Variants in SRBD1 observed in about 807,000 individuals in gnomAD.
SRBD1 encodes the protein S1 RNA binding domain 1, also known as S1 RNA-binding domain-containing protein 1.
In SRBD1, 88 loss-of-function variants were observed where a neutral mutation model predicts 115.3. The observed-to-expected ratio is 0.76, with a 90% CI of 0.64 to 0.91. The LOEUF (loss-of-function observed/expected upper bound fraction) is 0.91, where lower values mean the gene tolerates loss of function less well. Ranked by LOEUF, SRBD1 falls within the 40% of genes least tolerant of loss-of-function variation. SRBD1 has a pLI of 0.00. For missense variants in SRBD1, 1,385 were observed against 1,177.4 expected (o/e 1.18, Z -2.58); for synonymous variants, 509 against 407.7 (o/e 1.25, Z -2.99).
At chr2:45,472,587 G>A (rs537893765) in intron 16 of SRBD1, among the ~76,000 whole-genome samples, 1 of 152,156 alleles carries the variant, frequency 6.6e-6, no homozygotes, top group African/African-American at 2.4e-5. Context: ...GGGCTCAAAT[G>A]ATCTCCTGCC....
chr2:45,457,661 C>T (rs1240521277), intron 16 of SRBD1, among the ~76,000 whole-genome samples: 1 of 151,914 alleles, frequency 6.6e-6, no homozygotes, highest in East Asian at 1.9e-4. Context: ...TAAAAAAATA[C>T]CCCGACAAAC....
intron 14 of SRBD1, among the ~76,000 whole-genome samples, chr2:45,511,114 G>A (rs1670953812): frequency 6.6e-6 from 1 of 152,162 alleles, no homozygotes; most frequent in Non-Finnish European, 1.5e-5. Flanking sequence ...CACAATAACC[G>A]ACTGAATTGC....
intron 16 of SRBD1, among the ~76,000 whole-genome samples, chr2:45,436,251 G>A (rs775741099): frequency 3.3e-5 from 5 of 152,036 alleles, no homozygotes; most frequent in Non-Finnish European, 7.4e-5. Flanking sequence ...GAACAAACGG[G>A]AAACATCCTC....
At chr2:45,462,686 C>T (rs1407774903) in intron 16 of SRBD1, among the ~76,000 whole-genome samples, 1 of 151,246 alleles carries the variant, frequency 6.6e-6, no homozygotes, top group Non-Finnish European at 1.5e-5. Flanking sequence ...ATTAGCCAGG[C>T]GTGGTGTCGG....
intron 19 of SRBD1, among the ~76,000 whole-genome samples, chr2:45,399,411 T>C (rs1439677405): frequency 2.0e-5 from 3 of 152,106 alleles, no homozygotes; most frequent in Admixed American, 2.0e-4. Context: ...GGCAGGACTT[T>C]ATGTGCAGAT....
intron 16 of SRBD1, among the ~76,000 whole-genome samples, chr2:45,472,401 T>TA (rs1360759037): frequency 1.3e-5 from 2 of 152,340 alleles, no homozygotes; most frequent in East Asian, 3.9e-4. Context: ...ATGACTATAC[T>TA]AAAAAAATCA....
At chr2:45,420,959 C>T (rs72880622) in intron 16 of SRBD1, among the ~76,000 whole-genome samples, 14,630 of 152,160 alleles carry the variant, frequency 0.096, 724 homozygotes, top group South Asian at 0.16. Flanking sequence ...GGTGGTAGCA[C>T]TATCTGAATC....
intron 3 of SRBD1, among the ~76,000 whole-genome samples, chr2:45,600,787 G>A (rs1011635756): frequency 6.6e-6 from 1 of 152,124 alleles, no homozygotes; most frequent in Non-Finnish European, 1.5e-5. Context: ...CCTAAATGAT[G>A]CAGATGGCAC....
intron 14 of SRBD1, among the ~76,000 whole-genome samples, chr2:45,537,764 T>A (rs1671810133): frequency 6.6e-6 from 1 of 152,116 alleles, no homozygotes; most frequent in Non-Finnish European, 1.5e-5. Flanking sequence ...GGAAGGCGCT[T>A]TACTGGGAAC....
At chr2:45,541,526 G>T (rs901420415) in intron 14 of SRBD1, among the ~76,000 whole-genome samples, 2 of 152,252 alleles carry the variant, frequency 1.3e-5, no homozygotes, top group Non-Finnish European at 2.9e-5. Context: ...GCAAGGCAGA[G>T]AGGAACTTCA....
chr2:45,441,458 T>G (rs568501890), intron 16 of SRBD1, among the ~76,000 whole-genome samples: 1 of 152,248 alleles, frequency 6.6e-6, no homozygotes, highest in African/African-American at 2.4e-5. Context: ...TCCTGGTACA[T>G]AGTACGTACT....
chr2:45,501,624 G>A (rs1363494983), intron 14 of SRBD1, among the ~76,000 whole-genome samples: 7 of 152,124 alleles, frequency 4.6e-5, no homozygotes, highest in Non-Finnish European at 8.8e-5. Context: ...CTTAGCAAAC[G>A]GCACACCAGG....
intron 14 of SRBD1, among the ~76,000 whole-genome samples, chr2:45,539,317 G>C (rs766736001): frequency 2.0e-5 from 3 of 151,982 alleles, no homozygotes; most frequent in Non-Finnish European, 4.4e-5. Context: ...GCTGAACCAA[G>C]TGCATTTTAT....
At chr2:45,541,095 C>T (rs776889559) in intron 14 of SRBD1, among the ~76,000 whole-genome samples, 41 of 152,208 alleles carry the variant, frequency 2.7e-4, no homozygotes, top group African/African-American at 2.4e-4. Flanking sequence ...AGGCGTAGTG[C>T]GGTGAGCGGT....
chr2:45,511,008 AGATC>A (rs1670950424), intron 14 of SRBD1, among the ~76,000 whole-genome samples: 1 of 152,226 alleles, frequency 6.6e-6, no homozygotes, highest in South Asian at 2.1e-4. Flanking sequence ...CCAAGGTTAG[AGATC>A]CAGATATCCA....
chr2:45,588,354 G>A (rs1184410502), intron 4 of SRBD1, among the ~76,000 whole-genome samples: 1 of 152,146 alleles, frequency 6.6e-6, no homozygotes, highest in East Asian at 1.9e-4. Context: ...AACAAGGCCA[G>A]TTACTTTGCT....
chr2:45,444,789 C>T (rs1257485990), intron 16 of SRBD1, among the ~76,000 whole-genome samples: 1 of 152,218 alleles, frequency 6.6e-6, no homozygotes, highest in East Asian at 1.9e-4. Context: ...TCAGAAGCCA[C>T]TCAAGTTGGG....
At chr2:45,399,365 A>G (rs931928832) in intron 19 of SRBD1, among the ~76,000 whole-genome samples, 7 of 152,230 alleles carry the variant, frequency 4.6e-5, no homozygotes, top group African/African-American at 9.6e-5. Context: ...TAATGACAGT[A>G]TAAAATAGTC....
intron 10 of SRBD1, among the ~76,000 whole-genome samples, chr2:45,560,310 A>G (rs1307849096): frequency 6.6e-6 from 1 of 152,126 alleles, no homozygotes; most frequent in Non-Finnish European, 1.5e-5. Flanking sequence ...TTAAAAGCAT[A>G]TTTTTTCTTT....
Sources: allele counts gnomAD v4.1 joint callset (sites outside exome capture counted in the v4.1 genomes callset), GRCh38; gene constraint gnomAD v4.1.1; transcripts MANE v1.5; gene names NCBI Gene and HGNC (gene_info 2026-07-23, HGNC 2026-07-21).